The following FAAH2 variants were observed in gnomAD, a reference collection of about 807,000 sequenced individuals.
FAAH2 encodes the protein fatty-acid amide hydrolase 2.
FAAH2 carries 60 observed loss-of-function variants against 36.9 expected under a neutral mutation model. That is an observed-to-expected ratio of 1.63 (90% CI 1.32 to 2.02). The LOEUF is 2.02. Ranked by LOEUF, FAAH2 falls within the 30% of genes most tolerant of loss-of-function variation. The pLI is 0.00. For missense variants in FAAH2, 689 were observed against 397.5 expected (o/e 1.73, Z -6.23); for synonymous variants, 214 against 143.8 (o/e 1.49, Z -3.49).
chrX:57,395,269 C>T, intron 7 of FAAH2: 2 of 651,472 alleles, frequency 3.1e-6, no homozygotes, highest in South Asian at 2.1e-5. Flanking sequence ...AGATTGGAAT[C>T]ATCTCTGTTG....
chrX:57,231,945 T>C, the FAAH2 span, among the ~76,000 whole-genome samples: 1 of 111,407 alleles, frequency 9.0e-6, no homozygotes, highest in East Asian at 2.8e-4. Context: ...GTGACCAGGA[T>C]CTACTTTTCT....
rs746732496 is a variant in FAAH2, at chrX:57,357,328, A to G, written c.742+15938A>G. 8.0e-5 allele frequency among the ~76,000 whole-genome samples: 9 copies of G among 111,842 alleles called. No individual in the cohort carries two copies. The East Asian group carries it at 1.1e-3, about 14-fold the overall frequency. On this transcript the variant is annotated intron_variant, in intron 5 of 10. Transcript: ENST00000374900. ...ACAATGGCAACAAAAGCCTAAATTG[A>G]CAAATGGGATCTAAATAACCTAAAG...
chrX:57,161,328 T>C, the FAAH2 span, among the ~76,000 whole-genome samples: 1 of 111,790 alleles, frequency 8.9e-6, no homozygotes, highest in South Asian at 3.8e-4. Context: ...GAAAAGAATG[T>C]ATATTCTGTT....
At position 57,468,057 on chromosome X, in the gene FAAH2, C is replaced by T. The variant is rs904951947; in HGVS notation, c.1423+19339C>T. On this transcript the variant is annotated intron_variant, in intron 10 of 10. Coordinates refer to ENST00000374900, the MANE Select transcript of FAAH2 (RefSeq NM_174912.4). ...ATGGTCTACGCTGTTAGAAGGAAAA[C>T]TAACAAAAAGAAAGGACATCCACAC... is the stretch of plus-strand genomic sequence containing the variant. Among the ~76,000 whole-genome samples the T allele has an allele frequency of 3.6e-5, 4 of 111,964 alleles. No individual in the cohort carries two copies. The Admixed American group carries it at 3.8e-4, about 11-fold the overall frequency.
At chrX:57,124,710 G>A in the FAAH2 span, among the ~76,000 whole-genome samples, 2 of 111,411 alleles carry the variant, frequency 1.8e-5, no homozygotes, top group Non-Finnish European at 3.8e-5. Flanking sequence ...TCCTTGAAGA[G>A]GCCCTTCACA....
chrX:57,207,776 C>A, the FAAH2 span, among the ~76,000 whole-genome samples: 2 of 112,703 alleles, frequency 1.8e-5, no homozygotes, highest in African/African-American at 3.2e-5. Flanking sequence ...CAAGGATCCA[C>A]AGACCCATGT....
intron 5 of FAAH2, among the ~76,000 whole-genome samples, chrX:57,365,592 C>T (rs1401156889): frequency 8.9e-6 from 1 of 111,932 alleles, no homozygotes; most frequent in Non-Finnish European, 1.9e-5. Context: ...CCTATATTTG[C>T]ATGTCAATCT....
At chrX:57,351,036 C>T in intron 5 of FAAH2, among the ~76,000 whole-genome samples, 1 of 111,486 alleles carries the variant, frequency 9.0e-6, no homozygotes, top group Middle Eastern at 4.6e-3. Flanking sequence ...GAAGAATATA[C>T]ATTCTTTTCA....
the FAAH2 span, among the ~76,000 whole-genome samples, chrX:57,140,520 G>A: frequency 9.6e-6 from 1 of 104,610 alleles, no homozygotes; most frequent in Non-Finnish European, 2.0e-5. Flanking sequence ...GCGTGAACCC[G>A]GGAAGCAGAG....
chrX:57,163,750 C>T, the FAAH2 span, among the ~76,000 whole-genome samples: 2 of 112,186 alleles, frequency 1.8e-5, no homozygotes, highest in Non-Finnish European at 1.9e-5. Flanking sequence ...CACTGACCTG[C>T]GCCCACTGTC....
intron 10 of FAAH2, among the ~76,000 whole-genome samples, chrX:57,470,618 C>A (rs761307902): frequency 2.7e-5 from 3 of 109,682 alleles, no homozygotes; most frequent in East Asian, 5.8e-4. Context: ...GCCTACCAAC[C>A]AAAAGAAGTC....
chrX:57,133,852 G>A, the FAAH2 span, among the ~76,000 whole-genome samples: 1 of 111,819 alleles, frequency 8.9e-6, no homozygotes. Flanking sequence ...AAGTAGGCTT[G>A]CCTTGTGTAA....
the FAAH2 span, among the ~76,000 whole-genome samples, chrX:57,151,177 TCTGG>T: frequency 8.9e-6 from 1 of 112,347 alleles, no homozygotes; most frequent in Non-Finnish European, 1.9e-5. Context: ...GACTTTTCTG[TCTGG>T]CTGCCCTTAA....
At chrX:57,299,212 T>C (rs925973012) in intron 2 of FAAH2, among the ~76,000 whole-genome samples, 5 of 111,917 alleles carry the variant, frequency 4.5e-5, no homozygotes, top group Admixed American at 2.8e-4. Context: ...CTCAATAAAA[T>C]GCTGGCAAAC....
intron 10 of FAAH2, among the ~76,000 whole-genome samples, chrX:57,486,433 G>A (rs1182096135): frequency 1.8e-5 from 2 of 111,734 alleles, no homozygotes; most frequent in South Asian, 3.7e-4. Context: ...AAGCTGGCTA[G>A]GGACTTCAGC....
intron 7 of FAAH2, among the ~76,000 whole-genome samples, chrX:57,429,442 T>A (rs1355864381): frequency 9.0e-6 from 1 of 111,519 alleles, no homozygotes; most frequent in East Asian, 2.8e-4. Context: ...AAAAACTGCT[T>A]AACATTATTA....
intron 8 of FAAH2, among the ~76,000 whole-genome samples, chrX:57,444,787 G>A (rs1206802021): frequency 1.8e-5 from 2 of 111,883 alleles, no homozygotes; most frequent in Non-Finnish European, 3.8e-5. Context: ...TAATGCATTT[G>A]AGAGATTCTC....
At chrX:57,318,204 C>CA (rs34207740) in intron 3 of FAAH2, among the ~76,000 whole-genome samples, 6 of 108,938 alleles carry the variant, frequency 5.5e-5, no homozygotes, top group African/African-American at 1.3e-4. Flanking sequence ...ACAAACCCTT[C>CA]AAAAAAAATA....
chrX:57,292,460 G>A (rs754624169), intron 1 of FAAH2, 38 bp from the exon 2 acceptor site: 3 of 1,121,746 alleles, frequency 2.7e-6, no homozygotes, highest in East Asian at 6.0e-5. Flanking sequence ...ATTGTTTAGT[G>A]AATAAATGGC....
Sources: allele counts gnomAD v4.1 joint callset (sites outside exome capture counted in the v4.1 genomes callset), GRCh38; gene constraint gnomAD v4.1.1; transcripts MANE v1.5; gene names NCBI Gene and HGNC (gene_info 2026-07-23, HGNC 2026-07-21).